Variants in RBFOX1 observed in about 807,000 individuals in gnomAD.
The protein encoded by RBFOX1 is RNA binding fox-1 homolog 1.
RBFOX1 carries 8 observed loss-of-function variants against 57.7 expected under a neutral mutation model. The observed-to-expected ratio is 0.14, with a 90% CI of 0.08 to 0.25. The LOEUF is 0.25. Among genes scored for constraint, RBFOX1 ranks in the 10% least tolerant of loss-of-function variants. The pLI, the probability that RBFOX1 is intolerant of heterozygous loss-of-function variation, is 1.00. For missense variants in RBFOX1, 611 were observed against 548.5 expected (o/e 1.11, Z -1.14); for synonymous variants, 326 against 222.4 (o/e 1.47, Z -4.15).
intron 3 of RBFOX1, among the ~76,000 whole-genome samples, chr16:5,636,996 G>C (rs754870855): frequency 1.3e-5 from 2 of 152,220 alleles, no homozygotes; most frequent in African/African-American, 2.4e-5. Flanking sequence ...TCTTGTGGGA[G>C]TTCGGGCCCC....
intron 1 of RBFOX1, among the ~76,000 whole-genome samples, chr16:6,230,413 T>A (rs2097450242): frequency 6.6e-6 from 1 of 152,210 alleles, no homozygotes; most frequent in African/African-American, 2.4e-5. Context: ...CTGATCACGC[T>A]ATTATTCTGT....
At chr16:6,228,803 G>A (rs1258403829) in intron 1 of RBFOX1, among the ~76,000 whole-genome samples, 2 of 152,104 alleles carry the variant, frequency 1.3e-5, no homozygotes, top group African/African-American at 2.4e-5. Context: ...GATTTTAAGT[G>A]TTCTCACACA....
chr16:7,065,900 A>C (rs1056106692), intron 4 of RBFOX1, among the ~76,000 whole-genome samples: 9 of 152,198 alleles, frequency 5.9e-5, no homozygotes, highest in African/African-American at 2.2e-4. Context: ...TTCATGGGGT[A>C]CATGTCTTTC....
At position 7,151,237 on chromosome 16, in the gene RBFOX1, G is replaced by A. The variant is rs185503968; in HGVS notation, c.27+99139G>A. On this transcript the variant is annotated intron_variant, in intron 4 of 15. Coordinates refer to ENST00000550418, the MANE Select transcript of RBFOX1 (RefSeq NM_018723.4). ...ATTTTTAAAAGTCACTCATAGAATG[G>A]GAGATGGGCCACATTTTTCTTGCCT... Among the ~76,000 whole-genome samples, 356 of 152,262 alleles carry A rather than the reference G, an allele frequency of 2.3e-3. 2 individuals are homozygous for A. The highest frequency in any genetic ancestry group is 6.8e-3 in the Middle Eastern group (2 of 294).
At position 7,202,720 on chromosome 16, in the gene RBFOX1, T is replaced by C. The variant is rs969461116; in HGVS notation, c.27+150622T>C. On this transcript the variant is annotated intron_variant, in intron 4 of 15. Transcript: ENST00000550418. ...TTGTGAACTCTGCATGTGAGGGATC[T>C]AGGTTGTGCACTTCTTATGAGAATC... is the stretch of plus-strand genomic sequence containing the variant. Among the ~76,000 whole-genome samples the C allele has an allele frequency of 7.2e-5, 11 of 152,316 alleles. No individual in the cohort carries two copies. The East Asian group carries it at 7.7e-4, about 11-fold the overall frequency.
intron 3 of RBFOX1, among the ~76,000 whole-genome samples, chr16:5,830,874 A>G (rs182470606): frequency 6.6e-6 from 1 of 152,260 alleles, no homozygotes; most frequent in East Asian, 1.9e-4. Context: ...CATGCATAGA[A>G]TGATTGGCTT....
chr16:6,519,844 G>T (rs556160705), intron 2 of RBFOX1, among the ~76,000 whole-genome samples: 7 of 152,302 alleles, frequency 4.6e-5, no homozygotes, highest in South Asian at 4.1e-4. Context: ...AGGACTGAGG[G>T]TTAGCAAGAT....
At chr16:6,949,789 T>C (rs184579995) in intron 3 of RBFOX1, among the ~76,000 whole-genome samples, 9 of 148,302 alleles carry the variant, frequency 6.1e-5, no homozygotes, top group Non-Finnish European at 1.2e-4. Context: ...TTGTTCATTT[T>C]CTTCTGAATT....
At chr16:6,517,912 T>G (rs1172737706) in intron 2 of RBFOX1, among the ~76,000 whole-genome samples, 2 of 152,070 alleles carry the variant, frequency 1.3e-5, no homozygotes, top group Admixed American at 6.6e-5. Context: ...GTGATGATAA[T>G]GAGATGTCGA....
intron 2 of RBFOX1, among the ~76,000 whole-genome samples, chr16:6,607,454 C>A (rs1055236135): frequency 4.8e-5 from 7 of 144,736 alleles, no homozygotes; most frequent in Non-Finnish European, 1.1e-4. Flanking sequence ...ATCTCTCTTC[C>A]TCTCTCTCTT....
At chr16:5,578,153 T>C (rs766777699) in intron 2 of RBFOX1, among the ~76,000 whole-genome samples, 45 of 152,280 alleles carry the variant, frequency 3.0e-4, no homozygotes, top group Middle Eastern at 3.4e-3. Context: ...GGTTTCAGCA[T>C]GTTGGCCATG....
At chr16:7,689,826 C>G (rs896221315) in intron 14 of RBFOX1, among the ~76,000 whole-genome samples, 2 of 152,002 alleles carry the variant, frequency 1.3e-5, no homozygotes, top group African/African-American at 4.8e-5. Context: ...GATATGGCCA[C>G]TGTAGAGCAG....
At chr16:7,492,939 T>G (rs908511912) in intron 4 of RBFOX1, among the ~76,000 whole-genome samples, 6 of 152,048 alleles carry the variant, frequency 3.9e-5, no homozygotes, top group African/African-American at 1.4e-4. Context: ...AGTGCAGTGG[T>G]GCGATCTCAG....
At chr16:7,245,401 T>C (rs2094250285) in intron 4 of RBFOX1, among the ~76,000 whole-genome samples, 1 of 152,128 alleles carries the variant, frequency 6.6e-6, no homozygotes, top group South Asian at 2.1e-4. Flanking sequence ...GCCATGGTTG[T>C]TTGCTGTACC....
chr16:7,485,974 C>A (rs1470785949), intron 4 of RBFOX1, among the ~76,000 whole-genome samples: 4 of 152,204 alleles, frequency 2.6e-5, no homozygotes, highest in African/African-American at 7.2e-5. Context: ...GTTGTGTCAA[C>A]AGAAATGTAT....
chr16:6,016,820 C>A (rs1036087516), upstream of RBFOX1, among the ~76,000 whole-genome samples: 1 of 152,180 alleles, frequency 6.6e-6, no homozygotes, highest in East Asian at 1.9e-4. Context: ...ACAGGAAAAA[C>A]TCTACTTGGA....
intron 4 of RBFOX1, among the ~76,000 whole-genome samples, chr16:7,138,405 C>T (rs7187673): frequency 0.02 from 3,080 of 152,246 alleles, 113 homozygotes; most frequent in African/African-American, 0.071. Context: ...ATGTAACTTT[C>T]TGGGACAAGA....
chr16:7,173,421 G>A lies in RBFOX1; in HGVS notation c.27+121323G>A, dbSNP rs571759532. The stretch of plus-strand genomic sequence containing the variant: ...AACAACAGGGTATACGTATATATCT[G>A]TGCATTCAGTGACTCTGAAAGGGAG... On this transcript the variant is annotated intron_variant, in intron 4 of 15. Coordinates refer to ENST00000550418, the MANE Select transcript of RBFOX1 (RefSeq NM_018723.4). Among the ~76,000 whole-genome samples, 120 of 152,248 alleles carry A rather than the reference G, an allele frequency of 7.9e-4. 1 individual carries two copies. The South Asian group carries it at 8.5e-3, about 11-fold the overall frequency.
In RBFOX1 at chr16:5,571,944, C is replaced by G. The variant is rs139228971; in HGVS notation, c.259-26958C>G. On this transcript the variant is annotated intron_variant, in intron 2 of 2. Transcript: ENST00000585867. ...GCCACTGTGCCCGGCCCATCTTTGT[C>G]TTTCATAATTAAGATAATGGACCTT... Among the ~76,000 whole-genome samples the G allele has an allele frequency of 2.3e-3, 351 of 152,338 alleles. 1 individual carries two copies. The highest frequency in any genetic ancestry group is 7.9e-3 in the African/African-American group (328 of 41,578).
Sources: allele counts gnomAD v4.1 joint callset (sites outside exome capture counted in the v4.1 genomes callset), GRCh38; gene constraint gnomAD v4.1.1; transcripts MANE v1.5; gene names NCBI Gene and HGNC (gene_info 2026-07-23, HGNC 2026-07-21).